Variants in MICAL2 observed in about 807,000 individuals in gnomAD.
MICAL2 encodes the protein [F-actin]-monooxygenase MICAL2.
MICAL2 carries 77 observed loss-of-function variants against 127.3 expected under a neutral mutation model. The observed-to-expected ratio is 0.60, with a 90% CI of 0.50 to 0.73. The LOEUF (loss-of-function observed/expected upper bound fraction) is 0.73, where lower values mean the gene tolerates loss of function less well. MICAL2 is among the 30% of genes least tolerant of loss of function. The probability of loss-of-function intolerance (pLI) is 0.00; values close to 1 mark genes in which losing one functional copy is unlikely to be tolerated. For synonymous variants in MICAL2, 570 were observed against 551.1 expected (o/e 1.03, Z -0.48); for missense variants, 1,351 against 1,434.4 (o/e 0.94, Z 0.94).
chr11:12,218,709 G>C (rs1856479818), intron 8 of MICAL2, among the ~76,000 whole-genome samples: 1 of 152,246 alleles, frequency 6.6e-6, no homozygotes, highest in African/African-American at 2.4e-5. Flanking sequence ...TCTTGGACCA[G>C]TGCTGGATGC....
chr11:12,225,858 GA>G lies in MICAL2; in HGVS notation c.1689-306del, dbSNP rs1010441614. 1.3e-4 allele frequency: 30 copies of G among 222,882 alleles called. 1 individual carries two copies. The South Asian group carries it at 3.0e-3, about 22-fold the overall frequency. 13.8% of individuals were successfully genotyped at this position (222,882 alleles called of 1,614,324 possible). ...CCCATTTTACTTTTGTAATTAAAAA[GA>G]AAAAAAGTAAGGGATATATTTAAAA... On this transcript the variant is annotated intron_variant, in intron 13 of 27. Transcript: ENST00000683283.
downstream of MICAL2, among the ~76,000 whole-genome samples, chr11:12,265,876 G>A (rs1469850601): frequency 6.6e-6 from 1 of 152,174 alleles, no homozygotes; most frequent in Non-Finnish European, 1.5e-5. Context: ...AGCACTTTGG[G>A]AGGCTGAGGC....
chr11:12,269,072 C>A (rs959936220), intron 24 of MICAL2, among the ~76,000 whole-genome samples: 5 of 152,144 alleles, frequency 3.3e-5, no homozygotes, highest in African/African-American at 1.2e-4. Context: ...CAGATTTTCT[C>A]TTTTCCCATC....
intron 33 of MICAL2, among the ~76,000 whole-genome samples, chr11:12,354,223 T>C (rs1416199445): frequency 6.6e-6 from 1 of 152,228 alleles, no homozygotes; most frequent in Non-Finnish European, 1.5e-5. Flanking sequence ...ATGCCTGTAA[T>C]GCCAGCACTT....
intron 3 of MICAL2, among the ~76,000 whole-genome samples, chr11:12,200,343 C>CG (rs886902869): frequency 2.6e-5 from 4 of 152,216 alleles, no homozygotes; most frequent in African/African-American, 9.6e-5. Context: ...AGAGCTCCTT[C>CG]GGGTCGAGTT....
exon 2 of MICAL2, chr11:12,281,059 A>G (rs4265585): frequency 0.33 from 131,529 of 398,802 alleles, 24,515 homozygotes; most frequent in East Asian, 0.68. Flanking sequence ...TGAGCAGGGC[A>G]GTCTCTCCAC....
At chr11:12,113,088 A>G (rs1245603791) in intron 1 of MICAL2, among the ~76,000 whole-genome samples, 2 of 152,130 alleles carry the variant, frequency 1.3e-5, no homozygotes, top group Admixed American at 6.5e-5. Context: ...CTGATCCTAG[A>G]TGTCCTCTGA....
chr11:12,181,094 C>A (rs1450900245), intron 3 of MICAL2, among the ~76,000 whole-genome samples: 1 of 152,014 alleles, frequency 6.6e-6, no homozygotes, highest in Non-Finnish European at 1.5e-5. Context: ...TAGGCACCTG[C>A]CACCATGCCT....
At position 12,242,349 on chromosome 11, in the gene MICAL2, A is replaced by G. The variant is rs1590587357; in HGVS notation, c.2473A>G (p.Thr825Ala). Residue 825 changes from threonine (T) to alanine (A), a missense_variant, in exon 19 of 28, where the codon ACC (threonine) becomes GCC (alanine). Physicochemically the swap from Thr to Ala is moderately conservative, Grantham distance 58. This residue lies in a region of MICAL2 where 752 missense variants were observed against 719.4 expected (regional missense o/e 1.05). Transcript: ENST00000683283. ...GCTGGGTGGGACAGAAAATTTCGCT[A>G]CCCTGCCTTCTACCCGCCCGAGGGC... The part of the protein sequence containing the change: ...LQLGGTENFA[T>A]LPSTRPRAQA... 2 of 1,614,076 alleles carry G rather than the reference A, an allele frequency of 1.2e-6. No homozygotes were observed. Among genetic ancestry groups the G allele is most frequent in the East Asian group, 4.5e-5 (2 of 44,880 alleles).
intron 26 of MICAL2, 152 bp from the exon 27 acceptor site, chr11:12,262,328 C>A (rs556273005): frequency 1.3e-6 from 2 of 1,495,878 alleles, no homozygotes; most frequent in East Asian, 4.6e-5. Flanking sequence ...AAGCAAACAG[C>A]GACTCTTTCA....
chr11:12,326,381 C>T (rs992592789), intron 31 of MICAL2, among the ~76,000 whole-genome samples: 2 of 152,168 alleles, frequency 1.3e-5, no homozygotes, highest in African/African-American at 4.8e-5. Flanking sequence ...TGGCTTTTCC[C>T]TAACTTCTTT....
intron 1 of MICAL2, among the ~76,000 whole-genome samples, chr11:12,119,113 A>G (rs1850291025): frequency 6.6e-6 from 1 of 151,488 alleles, no homozygotes. Flanking sequence ...TCTGCCCTTG[A>G]CCCCTGAACC....
intron 2 of MICAL2, among the ~76,000 whole-genome samples, chr11:12,159,983 G>A (rs1048936359): frequency 7.9e-5 from 12 of 152,178 alleles, no homozygotes; most frequent in African/African-American, 2.7e-4. Flanking sequence ...GTCATAGACC[G>A]GGGTCACTGG....
intron 9 of MICAL2, 126 bp downstream of exon 9, chr11:12,220,584 T>A: frequency 7.5e-7 from 1 of 1,338,748 alleles, no homozygotes; most frequent in Non-Finnish European, 1.0e-6. Flanking sequence ...GGCAGGACTC[T>A]GCCAAGCCTG....
chr11:12,355,721 T>C (rs575243304), intron 34 of MICAL2, among the ~76,000 whole-genome samples: 4 of 152,236 alleles, frequency 2.6e-5, no homozygotes, highest in Non-Finnish European at 5.9e-5. Context: ...TCAGAGAATT[T>C]AAATCCCATG....
At chr11:12,186,770 T>C (rs1858346923) in intron 3 of MICAL2, among the ~76,000 whole-genome samples, 1 of 152,028 alleles carries the variant, frequency 6.6e-6, no homozygotes, top group Non-Finnish European at 1.5e-5. Context: ...CATTCAAGGG[T>C]GCCCAGCACA....
At chr11:12,198,143 T>C (rs928381383) in intron 3 of MICAL2, among the ~76,000 whole-genome samples, 1 of 152,086 alleles carries the variant, frequency 6.6e-6, no homozygotes, top group Non-Finnish European at 1.5e-5. Flanking sequence ...CAGGTGATTT[T>C]GAGCATGTAC....
Position 12,241,145 on chromosome 11 carries a change from C to A in MICAL2, c.2320C>A (p.Pro774Thr). ...GGAGGAGGCCACACCCAGCCCATCA[C>A]CTCCTCTGAAAAGGCAGGTAGGGCT... ...KPEEATPSPSPPLKRQFPSVV... is the reference protein window; with the variant it reads ...KPEEATPSPSTPLKRQFPSVV... Residue 774 changes from proline to threonine, a missense_variant, in exon 18 of 28, where the codon CCT (proline) becomes ACT (threonine). By Grantham distance (38) the Pro-to-Thr change is conservative. Coordinates refer to ENST00000683283, the MANE Select transcript of MICAL2 (RefSeq NM_001282663.2). 1.9e-6 allele frequency: 3 copies of A among 1,613,992 alleles called. No individual in the cohort carries two copies. Among genetic ancestry groups the A allele is most frequent in the Non-Finnish European group, 1.7e-6 (2 of 1,179,938 alleles).
At chr11:12,256,672 C>A in intron 23 of MICAL2, 113 bp from the exon 24 acceptor site, 1 of 1,022,254 alleles carries the variant, frequency 9.8e-7, no homozygotes, top group Non-Finnish European at 1.4e-6. Flanking sequence ...TAGCAGGAAG[C>A]AGAAGCCCAC....
Sources: gnomAD v4.1 joint callset for allele counts (sites outside exome capture counted in the v4.1 genomes callset) on GRCh38, gnomAD v4.1.1 for gene constraint, gnomAD v4.1.1 regional missense constraint, MANE v1.5 for transcripts, NCBI Gene and HGNC (gene_info 2026-07-23, HGNC 2026-07-21) for gene names.